ZNF343: variants seen among roughly 807,000 people sequenced by gnomAD.
ZNF343 encodes the protein zinc finger protein 343.
ZNF343 carries 11 observed loss-of-function variants against 13.8 expected under a neutral mutation model. The ratio of observed to expected loss-of-function variants is 0.80; its 90% CI spans 0.50 to 1.32. The LOEUF is 1.32. Ranked by LOEUF, ZNF343 falls within the 40% of genes most tolerant of loss-of-function variation. The pLI, the probability that ZNF343 is intolerant of heterozygous loss-of-function variation, is 0.00. For missense variants in ZNF343, 658 were observed against 714.2 expected, an observed-to-expected ratio of 0.92 and a Z score of 0.90; for synonymous variants, 248 against 260.0, an observed-to-expected ratio of 0.95 and a Z score of 0.44.
chr20:2,492,852 T>G (rs1450471361), intron 4 of ZNF343, 27 bp from the exon 5 acceptor site: 1 of 1,609,746 alleles, frequency 6.2e-7, no homozygotes, highest in Non-Finnish European at 8.5e-7. Context: ...AATTAATGTA[T>G]AGCAAGCCAC....
At chr20:2,486,300 C>T (rs1319545399) in intron 5 of ZNF343, among the ~76,000 whole-genome samples, 1 of 152,216 alleles carries the variant, frequency 6.6e-6, no homozygotes, top group Non-Finnish European at 1.5e-5. Context: ...CTACGCCTTA[C>T]TAGGAAAGTA....
intron 1 of ZNF343, among the ~76,000 whole-genome samples, chr20:2,504,416 T>C (rs1283008287): frequency 6.6e-6 from 1 of 152,022 alleles, no homozygotes; most frequent in African/African-American, 2.4e-5. Context: ...TTCCAAGCAA[T>C]AGAAAAAGAA....
In ZNF343 at chr20:2,483,598, G is replaced by C. The variant is rs1329600264; in HGVS notation, c.1363C>G (p.His455Asp). Residue 455 changes from histidine to aspartate, a missense_variant, in exon 6 of 6, where the codon CAC (histidine) becomes GAC (aspartate). Physicochemically the swap from His to Asp is moderately conservative, Grantham distance 81 (BLOSUM62 -1). Coordinates refer to ENST00000278772, the MANE Select transcript of ZNF343 (RefSeq NM_024325.6). ...GFCDKSTLII[H>D]ERTHSGEKPY... ...TTCTCTCCAGAGTGCGTCCGCTCGT[G>C]TATGATGAGGGTTGACTTGTCACAA... The C allele has an allele frequency of 6.2e-7, 1 of 1,613,286 alleles. No homozygotes were observed. The highest frequency in any genetic ancestry group is 2.2e-5 in the East Asian group (1 of 44,862).
At chr20:2,495,931 C>T (rs1474047437) in intron 2 of ZNF343, among the ~76,000 whole-genome samples, 2 of 152,134 alleles carry the variant, frequency 1.3e-5, no homozygotes, top group South Asian at 2.1e-4. Flanking sequence ...CCGTCTGCCT[C>T]GGCCTCCCAA....
In ZNF343 at chr20:2,490,832, AAC is replaced by A. The variant is rs1299422597; in HGVS notation, c.304+1865_304+1866del. Among the ~76,000 whole-genome samples, 17 of 152,310 alleles carry A rather than the reference AAC, an allele frequency of 1.1e-4. No homozygotes were observed. The South Asian group carries it at 3.5e-3, about 32-fold the overall frequency. On this transcript the variant is annotated intron_variant, in intron 5 of 5. Transcript: ENST00000278772. Reference sequence around the variant, plus strand: ...GACTAACCAGCTAAGGCCAAATCAAAACACACAAAACCATTTACAAAAATTAT... The same window carrying A: ...GACTAACCAGCTAAGGCCAAATCAAAACACAAAACCATTTACAAAAATTAT...
intron 2 of ZNF343, among the ~76,000 whole-genome samples, chr20:2,498,283 G>A (rs1185226797): frequency 6.6e-6 from 1 of 152,200 alleles, no homozygotes; most frequent in African/African-American, 2.4e-5. Flanking sequence ...TTGAACCCAG[G>A]AGACGGAGGT....
intron 1 of ZNF343, among the ~76,000 whole-genome samples, chr20:2,506,892 A>G (rs2085667336): frequency 6.6e-6 from 1 of 151,988 alleles, no homozygotes; most frequent in East Asian, 1.9e-4. Context: ...ACATGTATAC[A>G]TACGTAACTA....
chr20:2,485,287 AAAC>A (rs1248426570), intron 5 of ZNF343, among the ~76,000 whole-genome samples: 27 of 152,246 alleles, frequency 1.8e-4, no homozygotes, highest in African/African-American at 6.3e-4. Flanking sequence ...CACCAAGCCA[AAAC>A]AACAAAATCT....
At chr20:2,491,649 A>G (rs190919493) in intron 5 of ZNF343, among the ~76,000 whole-genome samples, 1 of 152,126 alleles carries the variant, frequency 6.6e-6, no homozygotes, top group East Asian at 1.9e-4. Flanking sequence ...GTCTATAAAG[A>G]AAGTTTTATT....
At chr20:2,486,136 G>A (rs1600031413) in intron 5 of ZNF343, among the ~76,000 whole-genome samples, 1 of 152,070 alleles carries the variant, frequency 6.6e-6, no homozygotes, top group Non-Finnish European at 1.5e-5. Flanking sequence ...TATATATACG[G>A]CAGTGATGTA....
intron 5 of ZNF343, among the ~76,000 whole-genome samples, chr20:2,490,537 G>GT (rs67601660): frequency 0.16 from 20,308 of 123,850 alleles, 1,731 homozygotes; most frequent in African/African-American, 0.24. Context: ...CTTTTTTTTG[G>GT]TTTTTGTTTT....
At chr20:2,510,929 T>C (rs2122748058), upstream of ZNF343, among the ~76,000 whole-genome samples, 1 of 152,200 alleles carries the variant, frequency 6.6e-6, no homozygotes, top group Non-Finnish European at 1.5e-5. Context: ...GGTGATTGGT[T>C]AGGCAATATG....
intron 1 of ZNF343, among the ~76,000 whole-genome samples, chr20:2,502,148 G>A (rs536709654): frequency 3.3e-5 from 5 of 152,260 alleles, no homozygotes; most frequent in East Asian, 1.9e-4. Context: ...ACCATGGCAC[G>A]AGAACTACGT....
chr20:2,524,876 G>A (rs890960754), upstream of ZNF343, among the ~76,000 whole-genome samples: 18 of 152,194 alleles, frequency 1.2e-4, no homozygotes, highest in South Asian at 2.1e-4. Context: ...TCACAGGCGT[G>A]AGCCACCGCG....
chr20:2,484,706 G>C (rs1453887015), intron 5 of ZNF343, 50 bp from the exon 6 acceptor site: 4 of 1,515,048 alleles, frequency 2.6e-6, no homozygotes, highest in African/African-American at 1.4e-5. Flanking sequence ...GGGCTGCTGA[G>C]TTGTTCTGCC....
At chr20:2,521,930 A>G (rs2085784325) in intron 1 of ZNF343, among the ~76,000 whole-genome samples, 1 of 152,220 alleles carries the variant, frequency 6.6e-6, no homozygotes, top group Non-Finnish European at 1.5e-5. Flanking sequence ...TTTGAAACGA[A>G]TGCGTTTCTC....
chr20:2,514,954 C>T (rs2085752869), intron 1 of ZNF343, among the ~76,000 whole-genome samples: 2 of 149,908 alleles, frequency 1.3e-5, no homozygotes, highest in East Asian at 3.9e-4. Flanking sequence ...GCTGAGATTG[C>T]ACCACTGCAC....
chr20:2,499,139 T>C (rs906317277), intron 2 of ZNF343, among the ~76,000 whole-genome samples: 6 of 149,062 alleles, frequency 4.0e-5, no homozygotes, highest in African/African-American at 7.3e-5. Context: ...ACTCTAATTA[T>C]TGAGTTTGGA....
rs1479066177 is a variant in ZNF343 at position 2,518,050 on chromosome 20, G to A, written c.-347+6405C>T. On this transcript the variant is annotated intron_variant, in intron 1 of 6. Coordinates refer to the ZNF343 transcript ENST00000358413. The surrounding 1 kb of genome is among the most constrained non-coding windows in gnomAD (Gnocchi z 4.6). ...TTTTTTCGAGACAGAGTCTCACTCT[G>A]TTACCCAGGCTGGAGTGCAGTGGCT... Among the ~76,000 whole-genome samples, 2 of 142,958 alleles carry A rather than the reference G, an allele frequency of 1.4e-5. No individual in the cohort carries two copies. Among genetic ancestry groups the A allele is most frequent in the African/African-American group, 5.2e-5 (2 of 38,162 alleles). The allele number at this position is 142,958 out of a possible 152,430, so 93.8% of individuals were successfully genotyped here. A position where few individuals can be genotyped will look rare whatever the true frequency, so the allele number is the denominator to read the frequency against.
Sources: allele counts gnomAD v4.1 joint callset (sites outside exome capture counted in the v4.1 genomes callset), GRCh38; gene constraint gnomAD v4.1.1; non-coding constraint Gnocchi (gnomAD v3.1); transcripts MANE v1.5; gene names NCBI Gene and HGNC (gene_info 2026-07-23, HGNC 2026-07-21).